The following PBX3 variants were observed in gnomAD, a reference collection of about 807,000 sequenced individuals.
PBX3 encodes pre-B-cell leukemia transcription factor 3.
In PBX3, 14 loss-of-function variants were observed where a neutral mutation model predicts 48.5. The ratio of observed to expected loss-of-function variants is 0.29; its 90% CI spans 0.19 to 0.45. The LOEUF (loss-of-function observed/expected upper bound fraction) is 0.45. Among genes scored for constraint, PBX3 ranks in the 20% least tolerant of loss-of-function variants. The probability of loss-of-function intolerance (pLI) is 1.00; values close to 1 mark genes in which losing one functional copy is unlikely to be tolerated. For missense variants in PBX3, 386 were observed against 546.7 expected, an observed-to-expected ratio of 0.71 and a Z score of 2.93; for synonymous variants, 210 against 200.3, an observed-to-expected ratio of 1.05 and a Z score of -0.41.
chr9:125,899,251 ATATATATTTATATATAAATATACATATG>A (rs1840856512), intron 2 of PBX3, among the ~76,000 whole-genome samples: 1 of 129,622 alleles, frequency 7.7e-6, no homozygotes, highest in Non-Finnish European at 1.6e-5. Flanking sequence ...ATACATATGT[ATATATATTTATATATAAATATACATATG>A]TATATATATT....
At chr9:125,920,641 T>C (rs1588297300) in intron 3 of PBX3, among the ~76,000 whole-genome samples, 1 of 152,330 alleles carries the variant, frequency 6.6e-6, no homozygotes, top group East Asian at 1.9e-4. Context: ...TTGAAAGCTA[T>C]CTACTATAAT....
At chr9:125,791,676 C>G (rs1261418634) in intron 2 of PBX3, among the ~76,000 whole-genome samples, 1 of 152,142 alleles carries the variant, frequency 6.6e-6, no homozygotes, top group African/African-American at 2.4e-5. Context: ...TGGCTCACGC[C>G]TGTAATCCCA....
chr9:125,750,490 A>G (rs779702057), intron 2 of PBX3, among the ~76,000 whole-genome samples: 2 of 152,250 alleles, frequency 1.3e-5, no homozygotes, highest in African/African-American at 2.4e-5. Context: ...AAAGGAAAGT[A>G]TAGTCAACCA....
chr9:125,757,823 A>G (rs1836561508), intron 2 of PBX3, among the ~76,000 whole-genome samples: 1 of 152,222 alleles, frequency 6.6e-6, no homozygotes, highest in Non-Finnish European at 1.5e-5. Flanking sequence ...GGCTGTCACT[A>G]TAAAACCCAG....
intron 2 of PBX3, among the ~76,000 whole-genome samples, chr9:125,828,004 C>G (rs751750513): frequency 1.4e-4 from 21 of 151,992 alleles, no homozygotes; most frequent in Non-Finnish European, 2.6e-4. Context: ...TCATCTAGGA[C>G]CTTAGTCTTC....
intron 2 of PBX3, among the ~76,000 whole-genome samples, chr9:125,842,248 C>A (rs1839307835): frequency 6.6e-6 from 1 of 152,156 alleles, no homozygotes; most frequent in African/African-American, 2.4e-5. Context: ...AACTAAACAT[C>A]AGTTCACTTG....
intron 5 of PBX3, among the ~76,000 whole-genome samples, chr9:125,937,229 T>C (rs191447925): frequency 2.5e-3 from 377 of 152,340 alleles, no homozygotes; most frequent in South Asian, 6.0e-3. Context: ...TCACACTTTG[T>C]GTGTAGTGTA....
chr9:125,901,733 AAAC>A (rs75980456), intron 2 of PBX3, among the ~76,000 whole-genome samples: 8 of 151,654 alleles, frequency 5.3e-5, no homozygotes, highest in South Asian at 4.1e-4. Flanking sequence ...GAATGTTACC[AAAC>A]AACAACAACA....
At chr9:125,869,468 A>G (rs1294115470) in intron 2 of PBX3, among the ~76,000 whole-genome samples, 1 of 152,208 alleles carries the variant, frequency 6.6e-6, no homozygotes, top group East Asian at 1.9e-4. Context: ...ACCAAGGAGT[A>G]TTATAATGAA....
intron 2 of PBX3, among the ~76,000 whole-genome samples, chr9:125,763,218 T>C (rs531895107): frequency 7.2e-5 from 11 of 152,322 alleles, no homozygotes; most frequent in Middle Eastern, 3.4e-3. Flanking sequence ...GGAAAAAAAT[T>C]GTCACAGGAT....
chr9:125,905,948 A>T lies in PBX3; in HGVS notation c.275-9738A>T, dbSNP rs759996296. On this transcript the variant is annotated intron_variant, in intron 2 of 8. Coordinates refer to ENST00000373489, the MANE Select transcript of PBX3 (RefSeq NM_006195.6). ...AGACACTTACATGGTTTTTAATGGAAGAGAGTGATGGATATACTACCATGA... is the reference window on the plus strand; with the variant it reads ...AGACACTTACATGGTTTTTAATGGATGAGAGTGATGGATATACTACCATGA... Among the ~76,000 whole-genome samples, 5 of 152,096 alleles carry T rather than the reference A, an allele frequency of 3.3e-5. No homozygotes were observed. In the East Asian group the frequency reaches 5.8e-4, roughly 18 times the overall value.
At chr9:125,794,019 T>C (rs1461599732) in intron 2 of PBX3, among the ~76,000 whole-genome samples, 1 of 152,238 alleles carries the variant, frequency 6.6e-6, no homozygotes, top group African/African-American at 2.4e-5. Context: ...TTTAATCTTA[T>C]AATGTTTACA....
intron 2 of PBX3, among the ~76,000 whole-genome samples, chr9:125,780,240 C>A (rs1837223075): frequency 7.7e-6 from 1 of 129,496 alleles, no homozygotes; most frequent in African/African-American, 2.9e-5. Flanking sequence ...GGGCGGGGGG[C>A]TGAGCCCCCC....
intron 2 of PBX3, among the ~76,000 whole-genome samples, chr9:125,831,551 C>T (rs1278224851): frequency 6.6e-6 from 1 of 151,938 alleles, no homozygotes; most frequent in African/African-American, 2.4e-5. Context: ...CCCAGAAATA[C>T]AATTCATACT....
chr9:125,951,559 G>C (rs553624862), intron 5 of PBX3, among the ~76,000 whole-genome samples: 1 of 152,140 alleles, frequency 6.6e-6, no homozygotes, highest in African/African-American at 2.4e-5. Flanking sequence ...TTTTGTTGTT[G>C]CTGATTTGTT....
intron 2 of PBX3, among the ~76,000 whole-genome samples, chr9:125,904,322 G>T (rs150160456): frequency 1.3e-5 from 2 of 151,948 alleles, no homozygotes; most frequent in African/African-American, 4.8e-5. Flanking sequence ...CACAGCTCTT[G>T]TTGAAGATTT....
At chr9:125,785,554 T>C (rs1277462619) in intron 2 of PBX3, among the ~76,000 whole-genome samples, 1 of 152,214 alleles carries the variant, frequency 6.6e-6, no homozygotes, top group African/African-American at 2.4e-5. Flanking sequence ...CACTGTCGTC[T>C]TCCCTACTTT....
chr9:125,959,807 T>C (rs1416200222), intron 5 of PBX3, among the ~76,000 whole-genome samples: 1 of 152,222 alleles, frequency 6.6e-6, no homozygotes, highest in African/African-American at 2.4e-5. Flanking sequence ...CAGATCCTTT[T>C]ATATAGTGTG....
intron 2 of PBX3, among the ~76,000 whole-genome samples, chr9:125,861,699 GT>G (rs1254506511): frequency 2.0e-5 from 3 of 152,324 alleles, no homozygotes; most frequent in Admixed American, 6.5e-5. Flanking sequence ...ATTTTGTCAA[GT>G]GAGAGAAACC....
Sources: gnomAD v4.1 joint callset for allele counts (sites outside exome capture counted in the v4.1 genomes callset) on GRCh38, gnomAD v4.1.1 for gene constraint, MANE v1.5 for transcripts, NCBI Gene and HGNC (gene_info 2026-07-23, HGNC 2026-07-21) for gene names.